OXCT1: variants seen among roughly 807,000 people sequenced by gnomAD.
The protein encoded by OXCT1 is 3-oxoacid CoA-transferase 1.
A neutral mutation model predicts 69.6 loss-of-function variants in OXCT1; 27 were observed. The observed-to-expected ratio is 0.39, with a 90% CI of 0.29 to 0.54. The LOEUF is 0.54. Ranked by LOEUF, OXCT1 falls within the 20% of genes least tolerant of loss-of-function variation. The pLI, the probability that OXCT1 is intolerant of heterozygous loss-of-function variation, is 0.72. For missense variants in OXCT1, 437 were observed against 650.2 expected (o/e 0.67, Z 3.57); for synonymous variants, 202 against 217.8 (o/e 0.93, Z 0.64).
chr5:41,868,812 AG>A (rs2112494239), intron 1 of OXCT1, among the ~76,000 whole-genome samples: 1 of 152,246 alleles, frequency 6.6e-6, no homozygotes, highest in East Asian at 1.9e-4. Context: ...CAAGCCTGAC[AG>A]GGCTAAGTTT....
At chr5:41,864,595 A>C (rs575515118) in intron 1 of OXCT1, among the ~76,000 whole-genome samples, 16 of 152,240 alleles carry the variant, frequency 1.1e-4, no homozygotes. Context: ...TCCTAGACAC[A>C]CTTAAAAAGT....
At chr5:41,808,605 G>T (rs1017181171) in intron 7 of OXCT1, among the ~76,000 whole-genome samples, 1 of 152,052 alleles carries the variant, frequency 6.6e-6, no homozygotes, top group Non-Finnish European at 1.5e-5. Flanking sequence ...CCAAGGAAAG[G>T]TCAGAAAATA....
intron 14 of OXCT1, among the ~76,000 whole-genome samples, chr5:41,758,839 A>G (rs955164857): frequency 6.6e-6 from 1 of 152,050 alleles, no homozygotes; most frequent in African/African-American, 2.4e-5. Flanking sequence ...AATTACATAC[A>G]TCATAAATAC....
intron 7 of OXCT1, among the ~76,000 whole-genome samples, chr5:41,821,731 GTGTATCTTCTC>G (rs1420481123): frequency 6.6e-6 from 1 of 152,154 alleles, no homozygotes; most frequent in African/African-American, 2.4e-5. Context: ...TTTGCCATTT[GTGTATCTTCTC>G]TGGTAAGGTG....
rs753976408 is a variant in OXCT1, at chr5:41,762,103, C to T, written c.1338+8G>A. 1.3e-6 allele frequency: 2 copies of T among 1,594,794 alleles called. No individual in the cohort carries two copies. Among genetic ancestry groups the T allele is most frequent in the African/African-American group, 1.3e-5 (1 of 74,590 alleles). ...AAAGCAGTATTTGGGGAGCACAGTA[C>T]ATGTTACCTTTGCAGAATGCTCCAT... On this transcript the variant is annotated splice_region_variant and intron_variant, in intron 14 of 16. Transcript: ENST00000196371. The surrounding 1 kb of genome is among the most constrained non-coding windows in gnomAD (Gnocchi z 4.0).
intron 7 of OXCT1, among the ~76,000 whole-genome samples, chr5:41,833,524 G>A (rs1302244550): frequency 5.0e-4 from 69 of 137,498 alleles, no homozygotes; most frequent in Middle Eastern, 3.6e-3. Flanking sequence ...TCTTTGATCT[G>A]AAAAAAAAAA....
chr5:41,825,456 A>G (rs895558513), intron 7 of OXCT1, among the ~76,000 whole-genome samples: 8 of 152,214 alleles, frequency 5.3e-5, no homozygotes, highest in Admixed American at 1.3e-4. Flanking sequence ...CTGTTTTAAA[A>G]TATTCCATCC....
In OXCT1 at chr5:41,848,992, C is replaced by G. The variant is rs1579873731; in HGVS notation, c.564+1038G>C. Among the ~76,000 whole-genome samples, 3 of 152,206 alleles carry G rather than the reference C, an allele frequency of 2.0e-5. No homozygotes were observed. The South Asian group carries it at 6.2e-4, about 31-fold the overall frequency. On this transcript the variant is annotated intron_variant, in intron 5 of 16. Coordinates refer to ENST00000196371, the MANE Select transcript of OXCT1 (RefSeq NM_000436.4). The stretch of plus-strand genomic sequence containing the variant: ...CAAAAGAAACTACCATCAGAGTGAA[C>G]AGGCAACCTACAAAATGGGAGAAAA...
intron 7 of OXCT1, among the ~76,000 whole-genome samples, chr5:41,811,024 A>C (rs1407029217): frequency 1.3e-5 from 2 of 151,888 alleles, no homozygotes; most frequent in Non-Finnish European, 2.9e-5. Context: ...AAGAAAAAAA[A>C]CAGACAACAA....
In OXCT1 at chr5:41,851,712, C is replaced by G. The variant is rs916179212; in HGVS notation, c.415-1533G>C. On this transcript the variant is annotated intron_variant, in intron 4 of 16. Coordinates refer to ENST00000196371, the MANE Select transcript of OXCT1 (RefSeq NM_000436.4). ...TGACCTCTCTTAGCCTGAGGAAAAA[C>G]TGTAAAAAAAAAAATGATATATTAA... 2.0e-5 allele frequency among the ~76,000 whole-genome samples: 3 copies of G among 149,854 alleles called. No individual in the cohort carries two copies. The East Asian group carries it at 5.8e-4, about 29-fold the overall frequency.
rs777608638 is a variant in OXCT1 at position 41,850,051 on chromosome 5, G to A, written c.543C>T (p.Ala181=). The change falls in exon 5 of 17, where the codon GCC becomes GCT. Residue 181 remains alanine, a synonymous_variant. Transcript: ENST00000196371. ...PIKYNKDGSV[A]IASKPREVRE... is the part of the protein sequence containing the mutation. ...TTACCTCTCTTGGCTTACTGGCAAT[G>A]GCAACACTGCCATCTTTGTTGTATT... 2 of 1,613,928 alleles carry A rather than the reference G, an allele frequency of 1.2e-6. No individual in the cohort carries two copies. Among genetic ancestry groups the A allele is most frequent in the Non-Finnish European group, 1.7e-6 (2 of 1,179,872 alleles).
intron 14 of OXCT1, among the ~76,000 whole-genome samples, chr5:41,752,808 C>A (rs1743860804): frequency 6.6e-6 from 1 of 151,974 alleles, no homozygotes; most frequent in South Asian, 2.1e-4. Flanking sequence ...TTTCAATATG[C>A]CCTTACTTAT....
intron 3 of OXCT1, 152 bp from the exon 4 acceptor site, chr5:41,853,706 C>A (rs757568053): frequency 2.4e-6 from 2 of 821,918 alleles, no homozygotes; most frequent in South Asian, 2.9e-5. Context: ...AACCCCAAAA[C>A]TTTTGCAAGG....
At chr5:41,815,723 C>T (rs1334122741) in intron 7 of OXCT1, among the ~76,000 whole-genome samples, 4 of 152,070 alleles carry the variant, frequency 2.6e-5, no homozygotes, top group African/African-American at 9.7e-5. Flanking sequence ...TTAAAAATTA[C>T]ACCATTATCA....
chr5:41,855,335 C>G (rs562842052), intron 3 of OXCT1, among the ~76,000 whole-genome samples: 3 of 152,160 alleles, frequency 2.0e-5, no homozygotes, highest in Non-Finnish European at 2.9e-5. Flanking sequence ...ATTTATCTAT[C>G]TGGGCATTGA....
chr5:41,755,934 T>C (rs949296706), intron 14 of OXCT1, among the ~76,000 whole-genome samples: 11 of 152,088 alleles, frequency 7.2e-5, no homozygotes, highest in African/African-American at 2.7e-4. Flanking sequence ...TATGTTCTGA[T>C]GGGCAGATGA....
In OXCT1 at chr5:41,861,323, T is replaced by G. The variant is rs1319971002; in HGVS notation, c.269A>C (p.Asn90Thr). The change falls in exon 3 of 17, where the codon AAC becomes ACC. Residue 90 changes from asparagine (N) to threonine (T), a missense_variant. Around this residue, in one of 4 missense-constraint regions of OXCT1, gnomAD observed 252 missense variants for 397.4 expected, o/e 0.63. Coordinates refer to ENST00000196371, the MANE Select transcript of OXCT1 (RefSeq NM_000436.4). ...TAAAATGCACACTTACCCTGCATTG[T>G]TGCTGACTGCAGTTAGTCCTTTTAC... ...TGVKGLTAVS[N>T]NAGVDNFGLG... The G allele has an allele frequency of 6.3e-7, 1 of 1,597,920 alleles. No homozygotes were observed.
chr5:41,830,924 G>T (rs996519401), intron 7 of OXCT1, among the ~76,000 whole-genome samples: 2 of 152,096 alleles, frequency 1.3e-5, no homozygotes. Context: ...TACATTAATT[G>T]GCCTGCTTAA....
At chr5:41,764,144 A>C (rs914932630) in intron 13 of OXCT1, among the ~76,000 whole-genome samples, 1 of 152,136 alleles carries the variant, frequency 6.6e-6, no homozygotes, top group South Asian at 2.1e-4. Context: ...CCTTTAAAGC[A>C]CTATTTTGAT....
Sources: allele counts gnomAD v4.1 joint callset (sites outside exome capture counted in the v4.1 genomes callset), GRCh38; gene constraint gnomAD v4.1.1; regional missense constraint gnomAD v4.1.1; non-coding constraint Gnocchi (gnomAD v3.1); transcripts MANE v1.5; gene names NCBI Gene and HGNC (gene_info 2026-07-23, HGNC 2026-07-21).